Variants in SLC1A2 observed in about 807,000 individuals in gnomAD.
SLC1A2 encodes excitatory amino acid transporter 2.
SLC1A2 carries 15 observed loss-of-function variants against 48.8 expected under a neutral mutation model. The observed-to-expected ratio is 0.31, with a 90% CI of 0.21 to 0.47. The LOEUF is 0.47. Ranked by LOEUF, SLC1A2 falls within the 20% of genes least tolerant of loss-of-function variation. SLC1A2 has a pLI of 0.99. For missense variants in SLC1A2, 502 were observed against 730.5 expected (o/e 0.69, Z 3.61); for synonymous variants, 279 against 272.6 (o/e 1.02, Z -0.23).
intron 1 of SLC1A2, among the ~76,000 whole-genome samples, chr11:35,356,407 T>C (rs777285063): frequency 6.6e-6 from 1 of 152,218 alleles, no homozygotes; most frequent in Non-Finnish European, 1.5e-5. Context: ...CTAATGTTCC[T>C]GGGCACCTCT....
At chr11:35,360,615 C>T (rs553641177) in intron 1 of SLC1A2, among the ~76,000 whole-genome samples, 2 of 152,324 alleles carry the variant, frequency 1.3e-5, no homozygotes, top group Admixed American at 6.5e-5. Context: ...CCCAGAGATG[C>T]CCCAGCTTCT....
At chr11:35,322,378 T>A (rs1205970276) in intron 1 of SLC1A2, among the ~76,000 whole-genome samples, 1 of 152,200 alleles carries the variant, frequency 6.6e-6, no homozygotes, top group Non-Finnish European at 1.5e-5. Context: ...AATAGGCTCA[T>A]TAGATGTGGT....
In SLC1A2 at chr11:35,257,996, TA is replaced by T. The variant is rs1950337298; in HGVS notation, c.*2897del. The T allele has an allele frequency of 6.6e-6, 1 of 152,248 alleles. No homozygotes were observed. The highest frequency in any genetic ancestry group is 1.5e-5 in the Non-Finnish European group (1 of 68,040). The allele number at this position is 152,248 out of a possible 1,614,324, so 9.4% of individuals were successfully genotyped here. ...ATTGACAGGTTAAATGTATTCTATT[TA>T]GATAAAGGTTATTAGAGGTATACCC... On this transcript the variant is annotated 3_prime_UTR_variant, in exon 11 of 11. Coordinates refer to ENST00000278379, the MANE Select transcript of SLC1A2 (RefSeq NM_004171.4).
At chr11:35,287,809 T>G (rs1850875731) in intron 7 of SLC1A2, among the ~76,000 whole-genome samples, 1 of 152,178 alleles carries the variant, frequency 6.6e-6, no homozygotes, top group Non-Finnish European at 1.5e-5. Context: ...TGGATAGAAG[T>G]GCCTGGGAGG....
chr11:35,351,438 C>A (rs114090995), intron 1 of SLC1A2, among the ~76,000 whole-genome samples: 1 of 152,106 alleles, frequency 6.6e-6, no homozygotes, highest in South Asian at 2.1e-4. Context: ...CTGACATGGA[C>A]GTGTGTTCTC....
chr11:35,306,053 C>T, intron 5 of SLC1A2, 21 bp downstream of exon 5: 1 of 1,610,718 alleles, frequency 6.2e-7, no homozygotes, highest in Non-Finnish European at 8.5e-7. Context: ...AAGCAGAATC[C>T]CGGACCACCA....
chr11:35,372,391 C>T (rs200747680), intron 1 of SLC1A2, among the ~76,000 whole-genome samples: 1 of 152,224 alleles, frequency 6.6e-6, no homozygotes, highest in African/African-American at 2.4e-5. Context: ...GGGGACTGGG[C>T]ATTTAGCCAC....
chr11:35,371,107 G>T, intron 1 of SLC1A2: 3 of 949,058 alleles, frequency 3.2e-6, no homozygotes, highest in Non-Finnish European at 3.7e-6. Flanking sequence ...CTGTAGGCCA[G>T]GTGGCTACCC....
Position 35,259,194 on chromosome 11 carries a change from A to G in SLC1A2, c.*1700T>C, listed in dbSNP as rs551615596. The G allele has an allele frequency of 6.5e-6, 1 of 152,760 alleles. No individual in the cohort carries two copies. Among genetic ancestry groups the G allele is most frequent in the African/African-American group, 2.4e-5 (1 of 41,576 alleles). 9.5% of individuals were successfully genotyped at this position (152,760 alleles called of 1,614,324 possible). On this transcript the variant is annotated 3_prime_UTR_variant, in exon 11 of 11. Coordinates refer to ENST00000278379, the MANE Select transcript of SLC1A2 (RefSeq NM_004171.4). Reference sequence around the variant, plus strand: ...AAAGGTATCTGATTTAAAAGAGAGAAGTCACAAGGAGCAGATAAGAAAGGC... The same window carrying G: ...AAAGGTATCTGATTTAAAAGAGAGAGGTCACAAGGAGCAGATAAGAAAGGC...
chr11:35,406,801 T>G (rs1855309520), intron 1 of SLC1A2, among the ~76,000 whole-genome samples: 1 of 152,130 alleles, frequency 6.6e-6, no homozygotes. Flanking sequence ...ATCTATGCAT[T>G]GCACAAATGG....
intron 5 of SLC1A2, among the ~76,000 whole-genome samples, 179 bp downstream of exon 5, chr11:35,305,895 C>A (rs1851486299): frequency 6.6e-6 from 1 of 152,138 alleles, no homozygotes; most frequent in African/African-American, 2.4e-5. Flanking sequence ...TCTCCTCTGC[C>A]CTTCTCTCTC....
chr11:35,254,618 A>T lies in SLC1A2; in HGVS notation c.*6276T>A, dbSNP rs1013666394. On this transcript the variant is annotated 3_prime_UTR_variant, in exon 11 of 11. Coordinates refer to ENST00000278379, the MANE Select transcript of SLC1A2 (RefSeq NM_004171.4). Reference sequence around the variant, plus strand: ...GAAGGAGTGAGGCTCCGACTGCAACATCTCCATCTCCAGTGAGGATGATGA... The same window carrying T: ...GAAGGAGTGAGGCTCCGACTGCAACTTCTCCATCTCCAGTGAGGATGATGA... The T allele has an allele frequency of 3.1e-6, 1 of 327,828 alleles. No individual in the cohort carries two copies. Among genetic ancestry groups the T allele is most frequent in the African/African-American group, 2.2e-5 (1 of 45,382 alleles). The allele number at this position is 327,828 out of a possible 1,614,324, so 20.3% of individuals were successfully genotyped here. A position where few individuals can be genotyped will look rare whatever the true frequency, so the allele number is the denominator to read the frequency against.
chr11:35,280,082 C>T, intron 9 of SLC1A2, among the ~76,000 whole-genome samples: 1 of 152,206 alleles, frequency 6.6e-6, no homozygotes, highest in East Asian at 1.9e-4. Context: ...ATTTCTGTCA[C>T]TCCCAAAGGT....
intron 9 of SLC1A2, among the ~76,000 whole-genome samples, chr11:35,278,795 G>A (rs1302352116): frequency 1.3e-5 from 2 of 151,998 alleles, no homozygotes; most frequent in East Asian, 1.9e-4. Flanking sequence ...GAGGTGGGCC[G>A]ATCACTTGAG....
At chr11:35,414,020 C>A (rs986769127) in intron 1 of SLC1A2, among the ~76,000 whole-genome samples, 1 of 152,188 alleles carries the variant, frequency 6.6e-6, no homozygotes, top group African/African-American at 2.4e-5. Context: ...AGGATTGACA[C>A]AGATCAAGTC....
chr11:35,322,452 C>T (rs1015188540), intron 1 of SLC1A2: 3 of 663,696 alleles, frequency 4.5e-6, no homozygotes, highest in Admixed American at 5.4e-5. Context: ...ACTCTTTTTT[C>T]CACCTTCACT....
intron 10 of SLC1A2, chr11:35,265,170 CCT>C: frequency 3.2e-6 from 1 of 309,384 alleles, no homozygotes; most frequent in Admixed American, 4.6e-5. Context: ...GTCTTGATCT[CCT>C]GACCTCGTGA....
At chr11:35,350,965 T>G (rs1440599761) in intron 1 of SLC1A2, among the ~76,000 whole-genome samples, 1 of 152,204 alleles carries the variant, frequency 6.6e-6, no homozygotes, top group African/African-American at 2.4e-5. Flanking sequence ...TTTACTTCCT[T>G]TTAAAGATTA....
chr11:35,301,485 C>T (rs1851353949), intron 6 of SLC1A2, 34 bp downstream of exon 6: 3 of 1,608,926 alleles, frequency 1.9e-6, no homozygotes, highest in Non-Finnish European at 2.5e-6. Flanking sequence ...GCTTTCTCAA[C>T]CCACTGCTAA....
Sources: allele counts gnomAD v4.1 joint callset (sites outside exome capture counted in the v4.1 genomes callset), GRCh38; gene constraint gnomAD v4.1.1; transcripts MANE v1.5; gene names NCBI Gene and HGNC (gene_info 2026-07-23, HGNC 2026-07-21).